The following KCNT2 variants were observed in gnomAD, a reference collection of about 807,000 sequenced individuals.
The protein encoded by KCNT2 is potassium channel subfamily T member 2.
A neutral mutation model predicts 153.8 loss-of-function variants in KCNT2; 67 were observed. The ratio of observed to expected loss-of-function variants is 0.44; its 90% CI spans 0.36 to 0.53. The LOEUF is 0.53. Among genes scored for constraint, KCNT2 ranks in the 20% least tolerant of loss-of-function variants. The pLI, the probability that KCNT2 is intolerant of heterozygous loss-of-function variation, is 0.00. For missense variants in KCNT2, 975 were observed against 1,354.8 expected, an observed-to-expected ratio of 0.72 and a Z score of 4.40; for synonymous variants, 500 against 458.8, an observed-to-expected ratio of 1.09 and a Z score of -1.15.
At chr1:196,316,209 A>C (rs1662700463) in intron 20 of KCNT2, among the ~76,000 whole-genome samples, 183 bp from the exon 21 acceptor site, 1 of 151,748 alleles carries the variant, frequency 6.6e-6, no homozygotes, top group Admixed American at 6.6e-5. Context: ...ATATGAAATA[A>C]TTTTTATTTT....
At chr1:196,485,327 C>T (rs1047484583) in intron 3 of KCNT2, among the ~76,000 whole-genome samples, 24 of 151,712 alleles carry the variant, frequency 1.6e-4, no homozygotes, top group African/African-American at 5.8e-4. Flanking sequence ...GGAAAATGGA[C>T]AAAAATAATA....
intron 1 of KCNT2, among the ~76,000 whole-genome samples, chr1:196,600,865 A>G (rs1369761271): frequency 6.6e-6 from 1 of 152,188 alleles, no homozygotes; most frequent in Non-Finnish European, 1.5e-5. Flanking sequence ...AGAAATCTCA[A>G]GATGAGAAGG....
chr1:196,557,558 T>G (rs562216447), intron 1 of KCNT2, among the ~76,000 whole-genome samples: 2 of 150,112 alleles, frequency 1.3e-5, no homozygotes, highest in South Asian at 2.1e-4. Context: ...CTCAACAAGA[T>G]CTCGTGTAGA....
At chr1:196,348,085 G>A (rs1322891359) in intron 14 of KCNT2, among the ~76,000 whole-genome samples, 1 of 151,886 alleles carries the variant, frequency 6.6e-6, no homozygotes, top group Non-Finnish European at 1.5e-5. Flanking sequence ...ATCTAACAAT[G>A]TTCTTCATGC....
intron 26 of KCNT2, among the ~76,000 whole-genome samples, chr1:196,256,905 T>C (rs1656564672): frequency 6.6e-6 from 1 of 152,022 alleles, no homozygotes; most frequent in African/African-American, 2.4e-5. Context: ...AATTGGCAGA[T>C]AGCTATTAGT....
chr1:196,384,572 T>C (rs1300098611), intron 13 of KCNT2, among the ~76,000 whole-genome samples: 1 of 151,684 alleles, frequency 6.6e-6, no homozygotes, highest in Non-Finnish European at 1.5e-5. Flanking sequence ...TGGTGCACGC[T>C]AATGGGTGTA....
intron 27 of KCNT2, among the ~76,000 whole-genome samples, chr1:196,233,208 T>A (rs1300602729): frequency 1.1e-4 from 16 of 151,448 alleles, no homozygotes; most frequent in Admixed American, 1.1e-3. Context: ...CAGATACAAT[T>A]TTTGACAGTG....
At chr1:196,405,442 A>G (rs16839878) in intron 12 of KCNT2, among the ~76,000 whole-genome samples, 8,734 of 151,580 alleles carry the variant, frequency 0.058, 389 homozygotes, top group Non-Finnish European at 0.085. Context: ...ATAAAATTCA[A>G]CTTAATAAAC....
chr1:196,230,304 A>C (rs115986227), intron 27 of KCNT2, among the ~76,000 whole-genome samples: 154 of 152,162 alleles, frequency 1.0e-3, no homozygotes, highest in African/African-American at 3.7e-3. Context: ...CCAGAAATGG[A>C]AAAACAAAGC....
At chr1:196,425,659 G>A (rs56393523) in intron 11 of KCNT2, among the ~76,000 whole-genome samples, 193 bp downstream of exon 11, 3,033 of 151,994 alleles carry the variant, frequency 0.02, 92 homozygotes, top group African/African-American at 0.069. Context: ...TGAAAAAGAG[G>A]AGTAAACACA....
intron 1 of KCNT2, among the ~76,000 whole-genome samples, chr1:196,606,345 C>T (rs1240716490): frequency 3.3e-5 from 5 of 152,116 alleles, no homozygotes. Flanking sequence ...ACAAATGGAA[C>T]CAAAACCAAA....
chr1:196,315,534 T>A (rs1397623635), intron 21 of KCNT2, among the ~76,000 whole-genome samples: 2 of 151,726 alleles, frequency 1.3e-5, no homozygotes, highest in African/African-American at 4.8e-5. Flanking sequence ...CTATTCAGTA[T>A]GTAAATGCAA....
chr1:196,412,153 T>C (rs1672391605), intron 12 of KCNT2, among the ~76,000 whole-genome samples: 1 of 151,780 alleles, frequency 6.6e-6, no homozygotes, highest in African/African-American at 2.4e-5. Flanking sequence ...CAATTTACAA[T>C]GCCTGCCTTT....
At chr1:196,248,157 G>A (rs1397058583) in intron 26 of KCNT2, among the ~76,000 whole-genome samples, 2 of 151,998 alleles carry the variant, frequency 1.3e-5, no homozygotes, top group Non-Finnish European at 2.9e-5. Context: ...GCGGCACTTA[G>A]AGGAAAATTT....
intron 8 of KCNT2, among the ~76,000 whole-genome samples, chr1:196,454,827 T>C (rs1020703748): frequency 4.6e-5 from 7 of 151,978 alleles, no homozygotes; most frequent in African/African-American, 1.7e-4. Context: ...GAAGTCTAGG[T>C]AGGCTCAGCC....
chr1:196,537,828 G>C (rs1323600752), intron 1 of KCNT2, among the ~76,000 whole-genome samples: 5 of 152,186 alleles, frequency 3.3e-5, no homozygotes, highest in African/African-American at 7.2e-5. Context: ...ACTCGTTGGG[G>C]CATTCTTATC....
chr1:196,443,272 T>C (rs1207377470), intron 8 of KCNT2, among the ~76,000 whole-genome samples: 1 of 151,562 alleles, frequency 6.6e-6, no homozygotes, highest in Non-Finnish European at 1.5e-5. Flanking sequence ...TTAAACGTTG[T>C]AATGAAAGCC....
chr1:196,233,593 C>T (rs1184246874), intron 27 of KCNT2, among the ~76,000 whole-genome samples: 7 of 151,458 alleles, frequency 4.6e-5, no homozygotes, highest in African/African-American at 1.2e-4. Flanking sequence ...AGTTCCAATA[C>T]TGTGTATCTA....
At chr1:196,526,079 G>A (rs1048082575) in intron 1 of KCNT2, among the ~76,000 whole-genome samples, 2 of 148,386 alleles carry the variant, frequency 1.3e-5, no homozygotes, top group Admixed American at 6.7e-5. Flanking sequence ...TGAGGGGTAC[G>A]CAAAAAAGTG....
Sources: gnomAD v4.1 joint callset for allele counts (sites outside exome capture counted in the v4.1 genomes callset) on GRCh38, gnomAD v4.1.1 for gene constraint, MANE v1.5 for transcripts, NCBI Gene and HGNC (gene_info 2026-07-23, HGNC 2026-07-21) for gene names.